The following C4orf51 variants were observed in gnomAD, a reference collection of about 807,000 sequenced individuals.
The protein encoded by C4orf51 is chromosome 4 open reading frame 51.
Under a neutral mutation model 25.2 loss-of-function variants are expected in C4orf51, and 25 were observed. The ratio of observed to expected loss-of-function variants is 0.99; its 90% CI spans 0.72 to 1.39. The LOEUF is 1.39. C4orf51 is among the 40% of genes most tolerant of loss of function. C4orf51 has a pLI of 0.00. For synonymous variants in C4orf51, 100 were observed against 84.5 expected, an observed-to-expected ratio of 1.18 and a Z score of -1.01; for missense variants, 252 against 239.6, an observed-to-expected ratio of 1.05 and a Z score of -0.34.
chr4:145,783,847 C>T, the C4orf51 span, among the ~76,000 whole-genome samples: 2 of 152,160 alleles, frequency 1.3e-5, no homozygotes, highest in Non-Finnish European at 2.9e-5. Context: ...TGGTTTGGTT[C>T]TGTGTCCCTG....
intron 1 of C4orf51, among the ~76,000 whole-genome samples, chr4:145,767,117 G>A (rs1238324250): frequency 6.6e-6 from 1 of 152,186 alleles, no homozygotes; most frequent in Admixed American, 6.5e-5. Context: ...ACCCAGAACA[G>A]ACACAGTTGT....
intron 1 of C4orf51, among the ~76,000 whole-genome samples, chr4:145,738,833 G>T (rs1732948316): frequency 6.6e-6 from 1 of 152,010 alleles, no homozygotes; most frequent in African/African-American, 2.4e-5. Flanking sequence ...TAGAGATGAG[G>T]TTTCACCATG....
Position 145,697,720 on chromosome 4 carries a change from A to G in C4orf51, c.307+1088A>G, listed in dbSNP as rs80297596. On this transcript the variant is annotated intron_variant, in intron 2 of 5. Transcript: ENST00000438731. ...TCTCTTTAAGGCTGAATAATTTTCC[A>G]TTGTATTATATACCACATTCTCTTT... Among the ~76,000 whole-genome samples, 8 of 152,334 alleles carry G rather than the reference A, an allele frequency of 5.3e-5. No homozygotes were observed. In the East Asian group the frequency reaches 1.5e-3, roughly 29 times the overall value.
chr4:145,682,581 C>G (rs1728905043), intron 1 of C4orf51, among the ~76,000 whole-genome samples: 1 of 152,170 alleles, frequency 6.6e-6, no homozygotes, highest in African/African-American at 2.4e-5. Flanking sequence ...ATACATTACA[C>G]TTTTTATTCA....
intron 1 of C4orf51, among the ~76,000 whole-genome samples, chr4:145,770,717 A>C (rs1736151886): frequency 6.6e-6 from 1 of 152,216 alleles, no homozygotes; most frequent in East Asian, 1.9e-4. Context: ...ATTGTATTAT[A>C]TCCATGGAGG....
At chr4:145,729,031 C>A in intron 3 of C4orf51, 138 bp from the exon 4 acceptor site, 3 of 651,522 alleles carry the variant, frequency 4.6e-6, no homozygotes, top group Non-Finnish European at 8.2e-6. Context: ...ACTGCACTCA[C>A]AGTGGTGGCT....
At chr4:145,778,118 C>A in the C4orf51 span, among the ~76,000 whole-genome samples, 1 of 151,746 alleles carries the variant, frequency 6.6e-6, no homozygotes, top group African/African-American at 2.4e-5. Flanking sequence ...ATGGAGAAAC[C>A]CCATTTCTAC....
At chr4:145,773,401 CAG>C (rs1736581345), downstream of C4orf51, among the ~76,000 whole-genome samples, 1 of 152,186 alleles carries the variant, frequency 6.6e-6, no homozygotes, top group South Asian at 2.1e-4. Context: ...CAGAGAAACA[CAG>C]AGAGATCCTC....
At chr4:145,751,763 G>A (rs1285402102) in intron 1 of C4orf51, among the ~76,000 whole-genome samples, 1 of 152,218 alleles carries the variant, frequency 6.6e-6, no homozygotes, top group Non-Finnish European at 1.5e-5. Context: ...GCCCAGAGAT[G>A]CTCTTCAGGA....
chr4:145,727,949 T>TATA (rs1191377839), intron 3 of C4orf51, among the ~76,000 whole-genome samples: 1 of 121,910 alleles, frequency 8.2e-6, no homozygotes, highest in Non-Finnish European at 1.7e-5. Context: ...ATACATTATA[T>TATA]ATAATAATAT....
intron 1 of C4orf51, chr4:145,764,990 G>A: frequency 6.2e-7 from 1 of 1,612,454 alleles, no homozygotes; most frequent in Non-Finnish European, 8.5e-7. Flanking sequence ...TTCCTTACTT[G>A]AGCCCACCGG....
chr4:145,681,094 G>C (rs970684757), intron 1 of C4orf51, among the ~76,000 whole-genome samples: 1 of 152,174 alleles, frequency 6.6e-6, no homozygotes, highest in Admixed American at 6.5e-5. Context: ...ACTGCATGGA[G>C]AAAGAACCAT....
chr4:145,729,424 C>T (rs1369017416), intron 4 of C4orf51, among the ~76,000 whole-genome samples, 195 bp downstream of exon 4: 1 of 150,784 alleles, frequency 6.6e-6, no homozygotes, highest in Non-Finnish European at 1.5e-5. Flanking sequence ...GCCTCAGCCT[C>T]CCGAGTAGCT....
chr4:145,686,189 A>G lies in C4orf51; in HGVS notation c.233+5753A>G, dbSNP rs543996239. On this transcript the variant is annotated intron_variant, in intron 1 of 5. Transcript: ENST00000438731. ...TAAAAAGACAAATTTTGTGTGACGTACCTAGGCTAGGCAAATCATACAGAC... is the reference window on the plus strand; with the variant it reads ...TAAAAAGACAAATTTTGTGTGACGTGCCTAGGCTAGGCAAATCATACAGAC... 3.0e-4 allele frequency among the ~76,000 whole-genome samples: 45 copies of G among 152,306 alleles called. 1 individual carries two copies. The highest frequency in any genetic ancestry group is 1.0e-3 in the African/African-American group (42 of 41,574).
intron 1 of C4orf51, among the ~76,000 whole-genome samples, chr4:145,748,489 T>C (rs1448351553): frequency 1.3e-5 from 2 of 152,152 alleles, no homozygotes; most frequent in Non-Finnish European, 2.9e-5. Flanking sequence ...GGTTATTTAC[T>C]TGAAGTTTTT....
the C4orf51 span, chr4:145,779,270 C>T: frequency 1.4e-6 from 2 of 1,428,948 alleles, no homozygotes; most frequent in Non-Finnish European, 1.9e-6. Flanking sequence ...CAGCCATTCC[C>T]AGCACTTCCT....
At chr4:145,721,971 T>C (rs7657816) in intron 2 of C4orf51, among the ~76,000 whole-genome samples, 80,000 of 152,050 alleles carry the variant, frequency 0.53, 22,796 homozygotes, top group African/African-American at 0.75. Flanking sequence ...GGATGCTCCT[T>C]GGTGATTTTC....
At chr4:145,729,568 T>A (rs1732342382) in intron 4 of C4orf51, among the ~76,000 whole-genome samples, 1 of 152,194 alleles carries the variant, frequency 6.6e-6, no homozygotes, top group Non-Finnish European at 1.5e-5. Context: ...CCCAAAGTGC[T>A]GGGATTACAG....
intron 1 of C4orf51, among the ~76,000 whole-genome samples, chr4:145,680,672 A>T (rs776194129): frequency 2.0e-5 from 3 of 152,196 alleles, no homozygotes; most frequent in Non-Finnish European, 4.4e-5. Flanking sequence ...CTGAAAGGAT[A>T]TGGATATGAA....
Sources: allele counts gnomAD v4.1 joint callset (sites outside exome capture counted in the v4.1 genomes callset), GRCh38; gene constraint gnomAD v4.1.1; transcripts MANE v1.5; gene names NCBI Gene and HGNC (gene_info 2026-07-23, HGNC 2026-07-21).